HMBOX1: variants seen among roughly 807,000 people sequenced by gnomAD.
HMBOX1 encodes the protein homeobox-containing protein 1.
HMBOX1 carries 14 observed loss-of-function variants against 54.5 expected under a neutral mutation model. The observed-to-expected ratio is 0.26, with a 90% CI of 0.17 to 0.40. The LOEUF (loss-of-function observed/expected upper bound fraction) is 0.40, where lower values mean the gene tolerates loss of function less well. Among genes scored for constraint, HMBOX1 ranks in the 10% least tolerant of loss-of-function variants. HMBOX1 has a pLI of 1.00. For missense variants in HMBOX1, 332 were observed against 514.4 expected (o/e 0.65, Z 3.43); for synonymous variants, 160 against 181.0 (o/e 0.88, Z 0.93).
chr8:28,910,573 A>G (rs1815223884), intron 1 of HMBOX1, among the ~76,000 whole-genome samples: 1 of 152,174 alleles, frequency 6.6e-6, no homozygotes, highest in African/African-American at 2.4e-5. Context: ...TTTTTTTATT[A>G]TAGCCATTCT....
At chr8:29,006,887 G>C (rs1420665395) in intron 4 of HMBOX1, among the ~76,000 whole-genome samples, 1 of 152,090 alleles carries the variant, frequency 6.6e-6, no homozygotes, top group African/African-American at 2.4e-5. Flanking sequence ...CAAGTTTTCT[G>C]TTTTGAGTAG....
chr8:28,949,959 G>A (rs1382454028), intron 1 of HMBOX1: 1 of 152,160 alleles, frequency 6.6e-6, no homozygotes, highest in Non-Finnish European at 1.5e-5. Flanking sequence ...AGCAACAGAG[G>A]TTAGAGACTA....
intron 1 of HMBOX1, among the ~76,000 whole-genome samples, chr8:28,917,391 G>T (rs995691536): frequency 4.6e-5 from 7 of 152,038 alleles, no homozygotes; most frequent in African/African-American, 1.7e-4. Context: ...ATTGATTTTT[G>T]TATATTATCC....
chr8:29,033,206 A>G (rs566126873), intron 6 of HMBOX1, among the ~76,000 whole-genome samples: 5 of 152,266 alleles, frequency 3.3e-5, no homozygotes, highest in Admixed American at 3.3e-4. Flanking sequence ...TTCTGATGTC[A>G]TTGCTGTTCT....
rs1184239029 is a variant in HMBOX1 at position 28,911,504 on chromosome 8, T to TGA, written c.-58+20827_-58+20828insAG. Among the ~76,000 whole-genome samples the TGA allele has an allele frequency of 7.2e-5, 11 of 152,206 alleles. No individual in the cohort carries two copies. The East Asian group carries it at 1.8e-3, about 24-fold the overall frequency. ...GCGAGTAGCTAGGATTACAAGTGCC[T>TGA]GCCACCATGCCCTGCTAATTTTTGT... On this transcript the variant is annotated intron_variant, in intron 1 of 9. Transcript: ENST00000287701.
chr8:28,970,398 A>G lies in HMBOX1; in HGVS notation c.379A>G (p.Thr127Ala). 1 of 1,614,154 alleles carries G rather than the reference A, an allele frequency of 6.2e-7. No individual in the cohort carries two copies. Among genetic ancestry groups the G allele is most frequent in the Non-Finnish European group, 8.5e-7 (1 of 1,179,976 alleles). ...NGRENNERLS[T>A]SNGKMSPTRY... The stretch of plus-strand genomic sequence containing the variant: ...GAGGGAGAATAATGAGCGATTATCT[A>G]CATCCAATGGAAAGATGTCACCAAC... Residue 127 changes from threonine (T) to alanine (A), a missense_variant, in exon 3 of 10, where the codon ACA becomes GCA. Thr to Ala is a moderately conservative substitution (Grantham distance 58). Transcript: ENST00000287701. This position sits in a 1 kb window ranked among gnomAD's most constrained non-coding sequence, Gnocchi z 4.3.
At chr8:28,919,281 C>A (rs1254832151) in intron 1 of HMBOX1, among the ~76,000 whole-genome samples, 1 of 152,134 alleles carries the variant, frequency 6.6e-6, no homozygotes, top group Non-Finnish European at 1.5e-5. Context: ...TTTAACCAAC[C>A]ATGGATGGAA....
chr8:28,993,776 A>G lies in HMBOX1; in HGVS notation c.586+13620A>G, dbSNP rs1384075429. ...TTGTTCATTGTGCTCTCTGATACCA[A>G]TCAGAATCACAACAGGATTTTGTTG... On this transcript the variant is annotated intron_variant, in intron 4 of 9. Transcript: ENST00000287701. Among the ~76,000 whole-genome samples, 7 of 152,178 alleles carry G rather than the reference A, an allele frequency of 4.6e-5. No homozygotes were observed. In the South Asian group the frequency reaches 6.2e-4, roughly 13 times the overall value.
Position 28,890,427 on chromosome 8 carries a change from A to G in HMBOX1, c.-309A>G, listed in dbSNP as rs1810653014. 1 of 158,990 alleles carries G rather than the reference A, an allele frequency of 6.3e-6. No individual in the cohort carries two copies. The highest frequency in any genetic ancestry group is 2.4e-5 in the African/African-American group (1 of 41,514). The allele number at this position is 158,990 out of a possible 1,614,324, so 9.8% of individuals were successfully genotyped here. A position where few individuals can be genotyped will look rare whatever the true frequency, so the allele number is the denominator to read the frequency against. On this transcript the variant is annotated 5_prime_UTR_variant, in exon 1 of 10. Transcript: ENST00000287701. Reference sequence around the variant, plus strand: ...TCAATATGGCGGTTGTCAGCCAGACAAAGACAGTCAGTCTGATGTGATTGA... The same window carrying G: ...TCAATATGGCGGTTGTCAGCCAGACGAAGACAGTCAGTCTGATGTGATTGA...
chr8:28,938,334 G>C (rs1262656358), intron 1 of HMBOX1, among the ~76,000 whole-genome samples: 1 of 152,198 alleles, frequency 6.6e-6, no homozygotes, highest in African/African-American at 2.4e-5. Flanking sequence ...CAATTTTCAG[G>C]TATTATGGGA....
chr8:28,901,787 A>G (rs1813279457), intron 1 of HMBOX1, among the ~76,000 whole-genome samples: 1 of 152,134 alleles, frequency 6.6e-6, no homozygotes, highest in African/African-American at 2.4e-5. Context: ...TTCTTATTCC[A>G]GAAGTCATTT....
chr8:28,970,650 C>T lies in HMBOX1; in HGVS notation c.500+131C>T, dbSNP rs1251560385. The T allele has an allele frequency of 3.4e-6, 2 of 581,464 alleles. No homozygotes were observed. The highest frequency in any genetic ancestry group is 6.0e-6 in the Non-Finnish European group (2 of 332,858). 36.0% of individuals were successfully genotyped at this position (581,464 alleles called of 1,614,324 possible). A position where few individuals can be genotyped will look rare whatever the true frequency, so the allele number is the denominator to read the frequency against. On this transcript the variant is annotated intron_variant, in intron 3 of 9. Transcript: ENST00000287701. The surrounding 1 kb of genome is among the most constrained non-coding windows in gnomAD (Gnocchi z 4.3). ...CCTCTAGCTATAAGAACTGTAACTT[C>T]CTCCTCCCACCTTTGGAGATGAAAG...
chr8:29,034,971 T>C (rs928171551), intron 6 of HMBOX1, among the ~76,000 whole-genome samples: 6 of 152,038 alleles, frequency 3.9e-5, no homozygotes, highest in African/African-American at 1.4e-4. Flanking sequence ...GAAGTAGAAG[T>C]CTAGGTTTAA....
At chr8:28,981,209 C>A (rs941796991) in intron 4 of HMBOX1, among the ~76,000 whole-genome samples, 3 of 152,134 alleles carry the variant, frequency 2.0e-5, no homozygotes, top group African/African-American at 7.2e-5. Context: ...GTCAGCCAAT[C>A]TTTTATAGTG....
chr8:29,003,555 A>AATATTATATATAT (rs1832975726), intron 4 of HMBOX1, among the ~76,000 whole-genome samples: 1 of 71,312 alleles, frequency 1.4e-5, no homozygotes, highest in Non-Finnish European at 2.7e-5. Flanking sequence ...TTCTGTATTA[A>AATATTATATATAT]ATATATATAT....
chr8:28,956,501 A>G (rs1434579626), intron 1 of HMBOX1, among the ~76,000 whole-genome samples: 1 of 151,918 alleles, frequency 6.6e-6, no homozygotes, highest in Non-Finnish European at 1.5e-5. Context: ...CATATAATGT[A>G]AGATAAAAAT....
Position 28,970,334 on chromosome 8 carries a change from T to C in HMBOX1, c.315T>C (p.Tyr105=), listed in dbSNP as rs763417728. 5 of 1,614,052 alleles carry C rather than the reference T, an allele frequency of 3.1e-6. No homozygotes were observed. The highest frequency in any genetic ancestry group is 2.7e-5 in the African/African-American group (2 of 74,916). Residue 105 remains tyrosine (Y), a synonymous_variant, in exon 3 of 10, where the codon TAT becomes TAC. Coordinates refer to ENST00000287701, the MANE Select transcript of HMBOX1 (RefSeq NM_001135726.3). This position sits in a 1 kb window ranked among gnomAD's most constrained non-coding sequence, Gnocchi z 4.3. ...TGTCCCCGTCACCTAGCAACAGTTA[T>C]GATACTTCCCCACAGCCTTGCACTA... is the stretch of plus-strand genomic sequence containing the variant. The part of the protein sequence containing the change: ...SGMSPSPSNS[Y]DTSPQPCTTN...
chr8:28,927,831 CAAAA>C (rs34952149), intron 1 of HMBOX1, among the ~76,000 whole-genome samples: 1 of 52,750 alleles, frequency 1.9e-5, no homozygotes, highest in Non-Finnish European at 3.2e-5. Context: ...AACTCAGTCT[CAAAA>C]AAAAAAAAAA....
At chr8:28,967,436 A>G (rs1174746163) in intron 2 of HMBOX1, among the ~76,000 whole-genome samples, 1 of 152,246 alleles carries the variant, frequency 6.6e-6, no homozygotes, top group African/African-American at 2.4e-5. Flanking sequence ...TAGGATGGAT[A>G]CTTTTCAGTA....
Sources: allele counts gnomAD v4.1 joint callset (sites outside exome capture counted in the v4.1 genomes callset), GRCh38; gene constraint gnomAD v4.1.1; non-coding constraint Gnocchi (gnomAD v3.1); transcripts MANE v1.5; gene names NCBI Gene and HGNC (gene_info 2026-07-23, HGNC 2026-07-21).